The following WIF1 variants were observed in gnomAD, a reference collection of about 807,000 sequenced individuals.
WIF1 encodes the protein Wnt inhibitory factor 1.
In WIF1, 35 loss-of-function variants were observed where a neutral mutation model predicts 53.5. That is an observed-to-expected ratio of 0.65 (90% CI 0.50 to 0.87). The LOEUF (loss-of-function observed/expected upper bound fraction) is 0.87. Among genes scored for constraint, WIF1 ranks in the 40% least tolerant of loss-of-function variants. The pLI is 0.00. For synonymous variants in WIF1, 171 were observed against 170.4 expected (o/e 1.00, Z -0.03); for missense variants, 467 against 476.8 (o/e 0.98, Z 0.19).
At chr12:65,068,343 A>C (rs1443924154) in intron 4 of WIF1, among the ~76,000 whole-genome samples, 2 of 151,960 alleles carry the variant, frequency 1.3e-5, no homozygotes, top group East Asian at 3.9e-4. Context: ...TATTCATTAG[A>C]GGTTATATTA....
intron 2 of WIF1, among the ~76,000 whole-genome samples, chr12:65,088,614 G>A (rs1386176397): frequency 6.6e-6 from 1 of 152,050 alleles, no homozygotes; most frequent in African/African-American, 2.4e-5. Context: ...AAGTTGCTAA[G>A]TCCAATGAGC....
intron 2 of WIF1, among the ~76,000 whole-genome samples, chr12:65,103,045 A>G (rs1368601904): frequency 1.3e-5 from 2 of 152,224 alleles, no homozygotes; most frequent in East Asian, 3.8e-4. Context: ...GTTTCCTTAT[A>G]ATTCAAATAG....
At chr12:65,109,389 T>C (rs573689606) in intron 2 of WIF1, among the ~76,000 whole-genome samples, 1 of 152,352 alleles carries the variant, frequency 6.6e-6, no homozygotes, top group East Asian at 1.9e-4. Context: ...TAGGTGGAAG[T>C]GCCCCCTCTG....
Position 65,121,216 on chromosome 12 carries a change from G to T in WIF1, c.-25C>A, listed in dbSNP as rs1883606134. The T allele has an allele frequency of 4.8e-6, 7 of 1,448,574 alleles. No individual in the cohort carries two copies. The South Asian group carries it at 8.5e-5, about 18-fold the overall frequency. 89.7% of individuals were successfully genotyped at this position (1,448,574 alleles called of 1,614,324 possible). A position where few individuals can be genotyped will look rare whatever the true frequency, so the allele number is the denominator to read the frequency against. ...TGCTGCTCAGGACCTCCTCGCTGCC[G>T]GGAAAACTCCTCGTGCCGCACCTAC... On this transcript the variant is annotated 5_prime_UTR_variant, in exon 1 of 10. Coordinates refer to ENST00000286574, the MANE Select transcript of WIF1 (RefSeq NM_007191.5).
intron 7 of WIF1, among the ~76,000 whole-genome samples, chr12:65,057,922 A>C (rs1270828873): frequency 1.3e-5 from 2 of 152,244 alleles, no homozygotes; most frequent in African/African-American, 4.8e-5. Flanking sequence ...AGCAGTATTT[A>C]GTCATTGTGG....
chr12:65,080,198 A>C (rs1360322847), intron 2 of WIF1, among the ~76,000 whole-genome samples: 1 of 152,176 alleles, frequency 6.6e-6, no homozygotes, highest in African/African-American at 2.4e-5. Flanking sequence ...TCATGGACCA[A>C]ATTCCCACTG....
At chr12:65,093,541 C>G (rs1354216194) in intron 2 of WIF1, among the ~76,000 whole-genome samples, 1 of 151,952 alleles carries the variant, frequency 6.6e-6, no homozygotes, top group Admixed American at 6.6e-5. Flanking sequence ...TAGATGTATA[C>G]CTATTTAATG....
intron 2 of WIF1, among the ~76,000 whole-genome samples, chr12:65,090,976 G>A (rs983475898): frequency 4.6e-5 from 7 of 152,090 alleles, no homozygotes; most frequent in African/African-American, 1.7e-4. Flanking sequence ...AATGCATTGT[G>A]GGTATAGGGA....
intron 3 of WIF1, among the ~76,000 whole-genome samples, chr12:65,069,266 C>T (rs35874813): frequency 0.1 from 15,749 of 152,166 alleles, 943 homozygotes; most frequent in East Asian, 0.18. Flanking sequence ...ATGGGAAGAA[C>T]AGAAAGACAA....
At chr12:65,119,363 A>G (rs1883561705) in intron 2 of WIF1, among the ~76,000 whole-genome samples, 1 of 152,194 alleles carries the variant, frequency 6.6e-6, no homozygotes, top group Admixed American at 6.5e-5. Context: ...GAAGTGTTGA[A>G]GGTTCTAGAT....
intron 7 of WIF1, among the ~76,000 whole-genome samples, chr12:65,057,239 C>T (rs888704118): frequency 6.6e-6 from 1 of 152,190 alleles, no homozygotes; most frequent in Non-Finnish European, 1.5e-5. Context: ...AGATGTGACA[C>T]AAAAGGTGCC....
At chr12:65,074,971 C>T (rs534500179) in intron 3 of WIF1, among the ~76,000 whole-genome samples, 1 of 152,156 alleles carries the variant, frequency 6.6e-6, no homozygotes, top group East Asian at 1.9e-4. Context: ...TAAAGCCCTA[C>T]CAATGCCATC....
At chr12:65,069,391 G>C (rs1049263147) in intron 3 of WIF1, among the ~76,000 whole-genome samples, 5 of 152,102 alleles carry the variant, frequency 3.3e-5, no homozygotes, top group African/African-American at 1.2e-4. Flanking sequence ...CTTAAATAAA[G>C]TCTGATGAGC....
chr12:65,119,070 C>A (rs1486607276), intron 2 of WIF1, among the ~76,000 whole-genome samples: 1 of 152,150 alleles, frequency 6.6e-6, no homozygotes, highest in Non-Finnish European at 1.5e-5. Flanking sequence ...TAGTTAATGA[C>A]CATCTGATGA....
intron 7 of WIF1, among the ~76,000 whole-genome samples, chr12:65,058,618 T>C (rs1198553741): frequency 6.6e-6 from 1 of 152,228 alleles, no homozygotes; most frequent in African/African-American, 2.4e-5. Context: ...GAAGATCTGA[T>C]TGTTTTAAAA....
rs117039354 is a variant in WIF1 at position 65,088,088 on chromosome 12, C to T, written c.289-10234G>A. ...AAAGAGAAACTAAGGCAGAACTGAA[C>T]ATTTCCTGAGGAGCACTGATGATGA... On this transcript the variant is annotated intron_variant, in intron 2 of 9. Coordinates refer to ENST00000286574, the MANE Select transcript of WIF1 (RefSeq NM_007191.5). Among the ~76,000 whole-genome samples, 233 of 152,248 alleles carry T rather than the reference C, an allele frequency of 1.5e-3. 6 individuals carry two copies. The East Asian group carries it at 0.04, about 26-fold the overall frequency.
chr12:65,065,710 C>T (rs1205089559), intron 6 of WIF1, among the ~76,000 whole-genome samples: 1 of 152,138 alleles, frequency 6.6e-6, no homozygotes, highest in Non-Finnish European at 1.5e-5. Flanking sequence ...AAAAAATGCT[C>T]TATTCATACA....
At position 65,055,995 on chromosome 12, in the gene WIF1, A is replaced by G. The variant is rs768506354; in HGVS notation, c.922+36T>C. 3.1e-6 allele frequency: 5 copies of G among 1,590,480 alleles called. No homozygotes were observed. The African/African-American group carries it at 5.4e-5, about 17-fold the overall frequency. On this transcript the variant is annotated intron_variant, in intron 8 of 9. Transcript: ENST00000286574. ...GAGACTCCTGCTAGTTTAACGACCT[A>G]GTAGCCCAGATTGGCAATGTGTATG... is the stretch of plus-strand genomic sequence containing the variant.
intron 2 of WIF1, among the ~76,000 whole-genome samples, chr12:65,079,629 A>G (rs1236795936): frequency 6.6e-6 from 1 of 151,268 alleles, no homozygotes; most frequent in Non-Finnish European, 1.5e-5. Flanking sequence ...CTGTCTCAAA[A>G]AAAAAAAAAA....
Sources: allele counts gnomAD v4.1 joint callset (sites outside exome capture counted in the v4.1 genomes callset), GRCh38; gene constraint gnomAD v4.1.1; transcripts MANE v1.5; gene names NCBI Gene and HGNC (gene_info 2026-07-23, HGNC 2026-07-21).